Variants in USP33 observed in about 807,000 individuals in gnomAD.
USP33 encodes ubiquitin specific peptidase 33.
A neutral mutation model predicts 124.2 loss-of-function variants in USP33; 46 were observed. The observed-to-expected ratio is 0.37, with a 90% CI of 0.29 to 0.47. The LOEUF is 0.47. Among genes scored for constraint, USP33 ranks in the 20% least tolerant of loss-of-function variants. USP33 has a pLI of 0.99. For synonymous variants in USP33, 350 were observed against 352.3 expected (o/e 0.99, Z 0.07); for missense variants, 851 against 1,070.6 (o/e 0.79, Z 2.86).
At chr1:77,743,907 G>T (rs1446795356) in intron 1 of USP33, among the ~76,000 whole-genome samples, 1 of 152,138 alleles carries the variant, frequency 6.6e-6, no homozygotes, top group Non-Finnish European at 1.5e-5. Flanking sequence ...AAGGTGGACG[G>T]ATCACGAGGT....
chr1:77,702,163 A>C (rs1455002467), intron 21 of USP33, among the ~76,000 whole-genome samples: 1 of 144,332 alleles, frequency 6.9e-6, no homozygotes, highest in African/African-American at 2.6e-5. Flanking sequence ...AAAAAAAAAA[A>C]AAAAAAAAAA....
At chr1:77,741,271 ATTTAC>A in intron 3 of USP33, 100 bp downstream of exon 3, 1 of 1,133,360 alleles carries the variant, frequency 8.8e-7, no homozygotes, top group Non-Finnish European at 1.2e-6. Flanking sequence ...AGCAAGTTTA[ATTTAC>A]AAAAATCACT....
In USP33 at chr1:77,713,244, C is replaced by G; in HGVS notation, c.2253G>C (p.Leu751=). Reference sequence around the variant, plus strand: ...AAATGTTCTGAGGCAGCATCAAAACCAGGTCTTCAATATAACCAGCTTTTC... The same window carrying G: ...AAATGTTCTGAGGCAGCATCAAAACGAGGTCTTCAATATAACCAGCTTTTC... The part of the protein sequence containing the change: ...PPRKAGYIED[L]VLMLPQNIWD... Residue 751 remains leucine, a synonymous_variant, in exon 20 of 24, where the codon CTG becomes CTC. Transcript: ENST00000370794. 1.9e-6 allele frequency: 3 copies of G among 1,579,704 alleles called. No homozygotes were observed. The highest frequency in any genetic ancestry group is 2.6e-6 in the Non-Finnish European group (3 of 1,170,208).
chr1:77,743,407 T>C (rs895336779), intron 1 of USP33, among the ~76,000 whole-genome samples: 9 of 152,150 alleles, frequency 5.9e-5, no homozygotes, highest in Non-Finnish European at 1.0e-4. Context: ...TCAAATCAAA[T>C]AATCAATTCA....
At chr1:77,697,685 G>T in intron 23 of USP33, 178 bp downstream of exon 23, 1 of 878,398 alleles carries the variant, frequency 1.1e-6, no homozygotes, top group Non-Finnish European at 1.7e-6. Context: ...CTTAACAACA[G>T]CCTTAAGACC....
At chr1:77,707,889 G>A (rs547974565) in intron 21 of USP33, among the ~76,000 whole-genome samples, 4 of 152,034 alleles carry the variant, frequency 2.6e-5, no homozygotes, top group Non-Finnish European at 4.4e-5. Context: ...GGTGGTTAAC[G>A]TTACTGTTCA....
chr1:77,759,689 CT>C lies in USP33; in HGVS notation c.-99del, dbSNP rs774717710. The C allele has an allele frequency of 4.3e-5, 17 of 399,084 alleles. No homozygotes were observed. Among genetic ancestry groups the C allele is most frequent in the Non-Finnish European group, 6.6e-5 (15 of 226,616 alleles). The allele number at this position is 399,084 out of a possible 1,614,324, so 24.7% of individuals were successfully genotyped here. On this transcript the variant is annotated 5_prime_UTR_variant, in exon 1 of 24. Coordinates refer to ENST00000370794, the MANE Select transcript of USP33 (RefSeq NM_201624.3). Reference sequence around the variant, plus strand: ...ACCCGCCAGCTCGACCAACAACGGCCTGCAGCCGCACCTCCGCAAGCTCCTC... The same window carrying C: ...ACCCGCCAGCTCGACCAACAACGGCCGCAGCCGCACCTCCGCAAGCTCCTC...
At chr1:77,728,222 T>C (rs1677379016) in intron 10 of USP33, 73 bp downstream of exon 10, 1 of 1,415,628 alleles carries the variant, frequency 7.1e-7, no homozygotes, top group Non-Finnish European at 9.5e-7. Context: ...ATACCCAAAG[T>C]AACAATTATT....
chr1:77,730,889 A>G (rs141993393), intron 7 of USP33, among the ~76,000 whole-genome samples, 158 bp from the exon 8 acceptor site: 17 of 152,298 alleles, frequency 1.1e-4, no homozygotes, highest in African/African-American at 3.8e-4. Flanking sequence ...AAAGAGCTCA[A>G]TCCATTCAAA....
rs536328621 is a variant in USP33 at position 77,706,658 on chromosome 1, G to A, written c.2406+5089C>T. On this transcript the variant is annotated intron_variant, in intron 21 of 23. Transcript: ENST00000370794. ...ATAAAATTCACTGATCTTACCATGCGCTATCATGCAAAAGATGTTGGCCTA... is the reference window on the plus strand; with the variant it reads ...ATAAAATTCACTGATCTTACCATGCACTATCATGCAAAAGATGTTGGCCTA... Among the ~76,000 whole-genome samples the A allele has an allele frequency of 5.3e-5, 8 of 152,300 alleles. No homozygotes were observed. The South Asian group carries it at 6.2e-4, about 12-fold the overall frequency.
chr1:77,705,944 A>G (rs757465993), intron 21 of USP33, among the ~76,000 whole-genome samples: 8 of 152,190 alleles, frequency 5.3e-5, no homozygotes, highest in Non-Finnish European at 1.0e-4. Flanking sequence ...ACTTGGCATA[A>G]TGTTTCTACT....
intron 5 of USP33, among the ~76,000 whole-genome samples, chr1:77,736,633 CAG>C (rs1418812294): frequency 6.6e-6 from 1 of 151,576 alleles, no homozygotes; most frequent in East Asian, 1.9e-4. Flanking sequence ...TTTTCCGAAA[CAG>C]AGTCTCACTC....
At chr1:77,697,675 C>T in intron 23 of USP33, 188 bp downstream of exon 23, 1 of 892,748 alleles carries the variant, frequency 1.1e-6, no homozygotes, top group South Asian at 1.9e-5. Flanking sequence ...TTGCTTTGCT[C>T]TTAACAACAG....
intron 15 of USP33, chr1:77,720,207 C>T: frequency 8.2e-6 from 1 of 122,694 alleles, no homozygotes; most frequent in Non-Finnish European, 1.4e-5. Context: ...TTTATTCTTA[C>T]ATGTGGAAAA....
intron 2 of USP33, 47 bp from the exon 3 acceptor site, chr1:77,741,476 C>A (rs781432973): frequency 6.3e-7 from 1 of 1,575,424 alleles, no homozygotes; most frequent in East Asian, 2.2e-5. Context: ...TTGACACAAA[C>A]ACATACAATT....
chr1:77,747,988 C>T (rs1284551402), intron 1 of USP33, among the ~76,000 whole-genome samples: 1 of 152,202 alleles, frequency 6.6e-6, no homozygotes, highest in Non-Finnish European at 1.5e-5. Context: ...AATCTGATTA[C>T]AGAGGCTAGA....
chr1:77,736,260 T>C (rs1678440651), intron 5 of USP33, 102 bp from the exon 6 acceptor site: 3 of 652,950 alleles, frequency 4.6e-6, no homozygotes, highest in Admixed American at 6.9e-5. Context: ...ATTATTGAGA[T>C]GTTATTTTAA....
chr1:77,755,279 A>G (rs1680695583), intron 1 of USP33, among the ~76,000 whole-genome samples: 1 of 152,274 alleles, frequency 6.6e-6, no homozygotes. Context: ...CTATCACCAT[A>G]TTCAAATGAG....
At chr1:77,711,035 T>G (rs1232119344) in intron 21 of USP33, among the ~76,000 whole-genome samples, 1 of 151,994 alleles carries the variant, frequency 6.6e-6, no homozygotes, top group African/African-American at 2.4e-5. Flanking sequence ...GAAAAGTGAG[T>G]ATATTTATAA....
Sources: allele counts gnomAD v4.1 joint callset (sites outside exome capture counted in the v4.1 genomes callset), GRCh38; gene constraint gnomAD v4.1.1; transcripts MANE v1.5; gene names NCBI Gene and HGNC (gene_info 2026-07-23, HGNC 2026-07-21).